CTNNA3: variants seen among roughly 807,000 people sequenced by gnomAD.
CTNNA3 encodes the protein catenin alpha 3, also known as catenin alpha-3.
In CTNNA3, 76 loss-of-function variants were observed where a neutral mutation model predicts 95.7. The ratio of observed to expected loss-of-function variants is 0.79; its 90% CI spans 0.66 to 0.96. The LOEUF is 0.96. Among genes scored for constraint, CTNNA3 ranks in the 40% least tolerant of loss-of-function variants. The pLI, the probability that CTNNA3 is intolerant of heterozygous loss-of-function variation, is 0.00. For synonymous variants in CTNNA3, 431 were observed against 374.4 expected (o/e 1.15, Z -1.74); for missense variants, 1,191 against 1,089.8 (o/e 1.09, Z -1.31).
At chr10:66,293,293 A>G (rs979734759) in intron 12 of CTNNA3, among the ~76,000 whole-genome samples, 12 of 152,152 alleles carry the variant, frequency 7.9e-5, no homozygotes, top group Non-Finnish European at 1.5e-4. Context: ...CCTGTTATAT[A>G]TTTGCCTGTG....
Position 66,023,001 on chromosome 10 carries a change from C to T in CTNNA3, c.2160-34204G>A, listed in dbSNP as rs373525550. ...ATCACTTGGAGTAGAACACTGATAT[C>T]AACCCATATCCAGTTATTTTATTGT... is the stretch of plus-strand genomic sequence containing the variant. On this transcript the variant is annotated intron_variant, in intron 15 of 17. Transcript: ENST00000433211. 1.9e-4 allele frequency among the ~76,000 whole-genome samples: 29 copies of T among 152,320 alleles called. No homozygotes were observed. In the East Asian group the frequency reaches 2.5e-3, roughly 13 times the overall value.
chr10:66,084,189 AG>A (rs1314725173), intron 14 of CTNNA3, among the ~76,000 whole-genome samples: 1 of 132,974 alleles, frequency 7.5e-6, no homozygotes, highest in African/African-American at 2.6e-5. Context: ...AAAGAAAAAA[AG>A]AAATGATAGT....
chr10:66,728,479 G>T (rs1162514350), intron 9 of CTNNA3, among the ~76,000 whole-genome samples: 1 of 151,990 alleles, frequency 6.6e-6, no homozygotes, highest in Admixed American at 6.6e-5. Flanking sequence ...AATTGCTTTG[G>T]GTGTTTTCAT....
chr10:66,271,013 G>T (rs1589903447), intron 13 of CTNNA3, among the ~76,000 whole-genome samples: 1 of 152,102 alleles, frequency 6.6e-6, no homozygotes, highest in East Asian at 1.9e-4. Flanking sequence ...AGGCTCCCAT[G>T]GTATAAAAAC....
At chr10:66,840,413 C>A (rs1843029905) in intron 7 of CTNNA3, among the ~76,000 whole-genome samples, 1 of 142,104 alleles carries the variant, frequency 7.0e-6, no homozygotes, top group Non-Finnish European at 1.5e-5. Context: ...CACACACACC[C>A]CTCGGTATAG....
intron 5 of CTNNA3, among the ~76,000 whole-genome samples, chr10:67,308,492 C>A (rs1196897966): frequency 1.3e-5 from 2 of 152,198 alleles, no homozygotes; most frequent in African/African-American, 2.4e-5. Context: ...AACTGTGAGT[C>A]CATTAAATCT....
At chr10:67,235,554 A>G (rs954329592) in intron 5 of CTNNA3, among the ~76,000 whole-genome samples, 1 of 148,506 alleles carries the variant, frequency 6.7e-6, no homozygotes, top group African/African-American at 2.5e-5. Context: ...CTAAAACCAT[A>G]AAAACCCTAG....
At chr10:66,036,499 C>T (rs1026769957) in intron 15 of CTNNA3, among the ~76,000 whole-genome samples, 8 of 152,004 alleles carry the variant, frequency 5.3e-5, no homozygotes, top group African/African-American at 1.9e-4. Flanking sequence ...TTCAGCTTCC[C>T]GAGTAGCTGG....
intron 3 of CTNNA3, among the ~76,000 whole-genome samples, chr10:67,550,650 T>C (rs1402473488): frequency 6.6e-6 from 1 of 151,014 alleles, no homozygotes; most frequent in African/African-American, 2.4e-5. Context: ...AATTCTTTTA[T>C]TAAAGAATAA....
intron 5 of CTNNA3, among the ~76,000 whole-genome samples, chr10:67,510,706 A>C (rs577532295): frequency 2.0e-5 from 3 of 152,266 alleles, no homozygotes; most frequent in Non-Finnish European, 4.4e-5. Context: ...TGAAATGTAA[A>C]GTAGTTTTTT....
chr10:67,638,088 G>A (rs1337840237), intron 2 of CTNNA3, among the ~76,000 whole-genome samples: 1 of 152,138 alleles, frequency 6.6e-6, no homozygotes, highest in African/African-American at 2.4e-5. Flanking sequence ...AAAGAGTCAA[G>A]ACCCATCAGT....
At chr10:66,091,205 C>A (rs1392880212) in intron 14 of CTNNA3, among the ~76,000 whole-genome samples, 1 of 151,838 alleles carries the variant, frequency 6.6e-6, no homozygotes, top group African/African-American at 2.4e-5. Flanking sequence ...AGATGTCTAC[C>A]ACAAACACCT....
intron 7 of CTNNA3, among the ~76,000 whole-genome samples, chr10:67,107,714 A>C (rs1216529401): frequency 6.6e-6 from 1 of 152,218 alleles, no homozygotes; most frequent in Non-Finnish European, 1.5e-5. Flanking sequence ...CCATGATCAA[A>C]ATCATTTAGG....
intron 7 of CTNNA3, among the ~76,000 whole-genome samples, chr10:66,934,260 C>A (rs918234516): frequency 2.6e-5 from 4 of 151,994 alleles, no homozygotes; most frequent in Non-Finnish European, 5.9e-5. Context: ...TAACAATTCT[C>A]CATGTTTTCT....
Position 66,445,365 on chromosome 10 carries a change from A to G in CTNNA3, c.1532-66013T>C, listed in dbSNP as rs1589261167. On this transcript the variant is annotated intron_variant, in intron 11 of 17. Transcript: ENST00000433211. ...ACTCTCCACCCCAAATCAACAGAAT[A>G]TACATTTTTTTTCAGCACCACACCA... is the stretch of plus-strand genomic sequence containing the variant. Among the ~76,000 whole-genome samples the G allele has an allele frequency of 2.6e-5, 4 of 152,262 alleles. No homozygotes were observed. The East Asian group carries it at 7.7e-4, about 29-fold the overall frequency.
chr10:67,123,528 C>T (rs745474520), intron 7 of CTNNA3, among the ~76,000 whole-genome samples: 34 of 152,160 alleles, frequency 2.2e-4, no homozygotes, highest in Admixed American at 5.2e-4. Context: ...TCATTAACAG[C>T]CACAACAAAA....
chr10:66,806,209 T>C (rs1841632698), intron 7 of CTNNA3, among the ~76,000 whole-genome samples: 3 of 151,816 alleles, frequency 2.0e-5, no homozygotes, highest in Admixed American at 2.0e-4. Context: ...GAGCATGATA[T>C]AAATAATAAT....
At chr10:66,606,386 A>G (rs537792250) in intron 10 of CTNNA3, among the ~76,000 whole-genome samples, 16 of 152,274 alleles carry the variant, frequency 1.1e-4, no homozygotes, top group African/African-American at 3.8e-4. Context: ...AAAGATTTTC[A>G]GGACCTGAAC....
intron 17 of CTNNA3, among the ~76,000 whole-genome samples, chr10:65,933,232 G>T (rs1564523994): frequency 6.6e-6 from 1 of 152,070 alleles, no homozygotes; most frequent in Non-Finnish European, 1.5e-5. Context: ...AGACACATTG[G>T]TGCATTTCAA....
Sources: allele counts gnomAD v4.1 joint callset (sites outside exome capture counted in the v4.1 genomes callset), GRCh38; gene constraint gnomAD v4.1.1; transcripts MANE v1.5; gene names NCBI Gene and HGNC (gene_info 2026-07-23, HGNC 2026-07-21).